The following PEX14 variants were observed in gnomAD, a reference collection of about 807,000 sequenced individuals.
PEX14 encodes the protein peroxisomal membrane protein PEX14.
A neutral mutation model predicts 49.5 loss-of-function variants in PEX14; 15 were observed. That is an observed-to-expected ratio of 0.30 (90% CI 0.20 to 0.47). PEX14 has a LOEUF of 0.47. Among genes scored for constraint, PEX14 ranks in the 20% least tolerant of loss-of-function variants. The pLI, the probability that PEX14 is intolerant of heterozygous loss-of-function variation, is 1.00. For synonymous variants in PEX14, 210 were observed against 212.7 expected (o/e 0.99, Z 0.11); for missense variants, 398 against 494.8 (o/e 0.80, Z 1.86).
chr1:10,577,554 A>G (rs1457770764), intron 3 of PEX14, among the ~76,000 whole-genome samples: 2 of 8,088 alleles, frequency 2.5e-4, no homozygotes, highest in African/African-American at 3.1e-4. Context: ...ATATATATAT[A>G]TATATATATT....
intron 2 of PEX14, among the ~76,000 whole-genome samples, chr1:10,507,148 A>G (rs1370137382): frequency 6.6e-6 from 1 of 152,224 alleles, no homozygotes; most frequent in Non-Finnish European, 1.5e-5. Flanking sequence ...TGTGAGAATT[A>G]CTCATTTTGC....
chr1:10,591,635 C>CCGTG (rs71583886), intron 3 of PEX14, among the ~76,000 whole-genome samples: 1 of 139,648 alleles, frequency 7.2e-6, no homozygotes, highest in Non-Finnish European at 1.6e-5. Context: ...GGTATACACA[C>CCGTG]TGTGTGTGTG....
chr1:10,572,729 G>A (rs972061502), intron 3 of PEX14, among the ~76,000 whole-genome samples: 2 of 152,032 alleles, frequency 1.3e-5, no homozygotes, highest in Non-Finnish European at 2.9e-5. Context: ...GTACAGATGG[G>A]GTTTCACTGT....
intron 3 of PEX14, among the ~76,000 whole-genome samples, chr1:10,586,932 C>T (rs758757204): frequency 4.0e-5 from 6 of 151,562 alleles, no homozygotes; most frequent in East Asian, 1.9e-4. Flanking sequence ...GAATGCTTTC[C>T]GTATTATCCC....
chr1:10,567,188 T>C (rs1038264152), intron 3 of PEX14, among the ~76,000 whole-genome samples: 1 of 152,194 alleles, frequency 6.6e-6, no homozygotes, highest in East Asian at 1.9e-4. Context: ...TAAAAACCAT[T>C]CTTAGCTTGC....
At chr1:10,568,679 T>G (rs1006130270) in intron 3 of PEX14, among the ~76,000 whole-genome samples, 2 of 152,204 alleles carry the variant, frequency 1.3e-5, no homozygotes. Flanking sequence ...TTTGTGTTCA[T>G]GCCCTCAGAC....
chr1:10,501,101 T>A (rs760655536), intron 2 of PEX14, among the ~76,000 whole-genome samples: 37 of 152,126 alleles, frequency 2.4e-4, no homozygotes, highest in Non-Finnish European at 3.4e-4. Context: ...AATATATAAA[T>A]ATGACAAACC....
chr1:10,508,801 C>T (rs964264768), intron 2 of PEX14, among the ~76,000 whole-genome samples: 6 of 152,208 alleles, frequency 3.9e-5, no homozygotes, highest in South Asian at 4.1e-4. Flanking sequence ...GAGGGAGGAG[C>T]GGGTGACCTA....
At chr1:10,560,768 A>T (rs1406286192) in intron 3 of PEX14, among the ~76,000 whole-genome samples, 3 of 133,324 alleles carry the variant, frequency 2.3e-5, no homozygotes, top group Non-Finnish European at 4.6e-5. Context: ...CCCAGGTTGG[A>T]GTGCAGTGGT....
intron 2 of PEX14, among the ~76,000 whole-genome samples, chr1:10,521,279 C>T (rs775401961): frequency 6.6e-6 from 1 of 151,850 alleles, no homozygotes; most frequent in African/African-American, 2.4e-5. Context: ...TTTCTATCTC[C>T]TCCCATTTTC....
intron 3 of PEX14, among the ~76,000 whole-genome samples, chr1:10,559,792 G>A (rs1383335951): frequency 2.0e-5 from 3 of 152,220 alleles, no homozygotes; most frequent in African/African-American, 7.2e-5. Flanking sequence ...TCATCAGGCT[G>A]CTGCCCTCAC....
intron 2 of PEX14, among the ~76,000 whole-genome samples, chr1:10,519,626 A>T (rs901570897): frequency 3.3e-5 from 5 of 152,216 alleles, no homozygotes; most frequent in African/African-American, 1.2e-4. Context: ...GGAAGTGTGC[A>T]GCCTGTTGTG....
intron 3 of PEX14, among the ~76,000 whole-genome samples, chr1:10,547,476 C>T (rs960031041): frequency 7.2e-5 from 11 of 152,160 alleles, no homozygotes; most frequent in Admixed American, 4.6e-4. Context: ...GCCTTAACCA[C>T]GGAGGAGACG....
At chr1:10,510,977 G>T (rs942270469) in intron 2 of PEX14, among the ~76,000 whole-genome samples, 13 of 152,152 alleles carry the variant, frequency 8.5e-5, no homozygotes, top group Admixed American at 3.3e-4. Flanking sequence ...GTCTTTATTT[G>T]CAATGACACT....
chr1:10,586,164 C>G (rs1175169082), intron 3 of PEX14, among the ~76,000 whole-genome samples: 12 of 152,202 alleles, frequency 7.9e-5, no homozygotes, highest in African/African-American at 2.9e-4. Context: ...AATGAACAAA[C>G]TTGCCTTATT....
intron 1 of PEX14, among the ~76,000 whole-genome samples, chr1:10,477,958 G>A (rs1338510152): frequency 1.3e-5 from 2 of 151,930 alleles, no homozygotes; most frequent in African/African-American, 4.8e-5. Context: ...GCGCGATCTC[G>A]GCTTACTGCA....
rs751685812 is a variant in PEX14 at position 10,630,472 on chromosome 1, G to A, written c.*485G>A. The A allele has an allele frequency of 6.1e-6, 1 of 164,344 alleles. No homozygotes were observed. The highest frequency in any genetic ancestry group is 1.3e-5 in the Non-Finnish European group (1 of 75,482). 10.2% of individuals were successfully genotyped at this position (164,344 alleles called of 1,614,324 possible). The stretch of plus-strand genomic sequence containing the variant: ...GGGCCCGGCCCTGGACCCGTCAGGT[G>A]CCTGTCCCCAGCCCCAACCCCACTC... On this transcript the variant is annotated 3_prime_UTR_variant, in exon 9 of 9. Transcript: ENST00000356607. The surrounding 1 kb of genome is among the most constrained non-coding windows in gnomAD (Gnocchi z 4.1).
chr1:10,523,825 T>TAA (rs59324356), intron 2 of PEX14, among the ~76,000 whole-genome samples: 70 of 132,370 alleles, frequency 5.3e-4, no homozygotes, highest in African/African-American at 1.7e-3. Context: ...TCCTTTTAGT[T>TAA]AAAAAAAAAA....
At chr1:10,600,736 TAAAG>T (rs756251979) in intron 4 of PEX14, among the ~76,000 whole-genome samples, 6 of 151,810 alleles carry the variant, frequency 4.0e-5, no homozygotes, top group Admixed American at 6.6e-5. Context: ...TAAAATAAAA[TAAAG>T]AAACTCAATA....
Sources: allele counts gnomAD v4.1 joint callset (sites outside exome capture counted in the v4.1 genomes callset), GRCh38; gene constraint gnomAD v4.1.1; non-coding constraint Gnocchi (gnomAD v3.1); transcripts MANE v1.5; gene names NCBI Gene and HGNC (gene_info 2026-07-23, HGNC 2026-07-21).